Variants in PRDM16 observed in about 807,000 individuals in gnomAD.
PRDM16 encodes histone-lysine N-methyltransferase PRDM16.
In PRDM16, 23 loss-of-function variants were observed where a neutral mutation model predicts 110.6. The observed-to-expected ratio is 0.21, with a 90% confidence interval of 0.15 to 0.29. The LOEUF (loss-of-function observed/expected upper bound fraction) is 0.29. Ranked by LOEUF, PRDM16 falls within the 10% of genes least tolerant of loss-of-function variation. The probability of loss-of-function intolerance (pLI) is 1.00; values close to 1 mark genes in which losing one functional copy is unlikely to be tolerated. For synonymous variants in PRDM16, 799 were observed against 781.8 expected, an observed-to-expected ratio of 1.02 and a Z score of -0.37; for missense variants, 1,615 against 1,794.3, an observed-to-expected ratio of 0.90 and a Z score of 1.81.
chr1:3,170,238 C>T (rs78335238), intron 1 of PRDM16, among the ~76,000 whole-genome samples: 1,879 of 152,278 alleles, frequency 0.012, 68 homozygotes, highest in East Asian at 0.11. Flanking sequence ...CTGGCTGCTT[C>T]CCCCAGGAGT....
In PRDM16 at chr1:3,139,954, T is replaced by G. The variant is rs143548508; in HGVS notation, c.38-46171T>G. Among the ~76,000 whole-genome samples, 286 of 152,382 alleles carry G rather than the reference T, an allele frequency of 1.9e-3. 3 individuals carry two copies. The highest frequency in any genetic ancestry group is 6.5e-3 in the African/African-American group (271 of 41,602). ...GACCTTGAGCCCTGACAGCCCACTC[T>G]TAATCATGCCTGCCAGACAAACACG... On this transcript the variant is annotated intron_variant, in intron 1 of 16. Transcript: ENST00000270722.
intron 1 of PRDM16, among the ~76,000 whole-genome samples, chr1:3,091,530 C>T (rs1448514302): frequency 6.6e-6 from 1 of 152,220 alleles, no homozygotes; most frequent in East Asian, 1.9e-4. Flanking sequence ...CCACGCCTGC[C>T]CCGTGCCACA....
intron 1 of PRDM16, among the ~76,000 whole-genome samples, chr1:3,093,331 C>G (rs1211823109): frequency 2.0e-5 from 3 of 152,212 alleles, no homozygotes; most frequent in Admixed American, 6.5e-5. Context: ...TTTGGTAGCA[C>G]CGGGGCAGTC....
At position 3,396,676 on chromosome 1, in the gene PRDM16, G is replaced by A. The variant is rs556949633; in HGVS notation, c.676+83G>A. 7.6e-5 allele frequency: 48 copies of A among 635,380 alleles called. No homozygotes were observed. The East Asian group carries it at 9.5e-4, about 13-fold the overall frequency. The allele number at this position is 635,380 out of a possible 1,614,324, so 39.4% of individuals were successfully genotyped here. A position where few individuals can be genotyped will look rare whatever the true frequency, so the allele number is the denominator to read the frequency against. ...AGAGGAGCAGATGCCTGGGAGGACC[G>A]AGGGCCTCTCATCACCTCAAGCCAC... On this transcript the variant is annotated intron_variant, in intron 5 of 16. Transcript: ENST00000270722.
intron 3 of PRDM16, among the ~76,000 whole-genome samples, chr1:3,297,899 G>T (rs1641123924): frequency 6.6e-6 from 1 of 151,790 alleles, no homozygotes; most frequent in Admixed American, 6.6e-5. Flanking sequence ...AGCTCCGCAG[G>T]GGCCAGACTG....
At chr1:3,098,575 G>C (rs567547110) in intron 1 of PRDM16, among the ~76,000 whole-genome samples, 1 of 152,178 alleles carries the variant, frequency 6.6e-6, no homozygotes, top group Non-Finnish European at 1.5e-5. Flanking sequence ...CCTGGGCTTC[G>C]AGACCCCAGG....
At chr1:3,098,507 A>T (rs1222291566) in intron 1 of PRDM16, among the ~76,000 whole-genome samples, 1 of 152,170 alleles carries the variant, frequency 6.6e-6, no homozygotes, top group East Asian at 1.9e-4. Context: ...GGAGAGGGAC[A>T]TCCCTGCAGC....
chr1:3,418,872 G>A lies in PRDM16; in HGVS notation c.2939+128G>A, dbSNP rs550233807. The A allele has an allele frequency of 1.0e-4, 75 of 727,770 alleles. No homozygotes were observed. In the East Asian group the frequency reaches 1.6e-3, roughly 16 times the overall value. 45.1% of individuals were successfully genotyped at this position (727,770 alleles called of 1,614,324 possible). On this transcript the variant is annotated intron_variant, in intron 12 of 16. Transcript: ENST00000270722. Reference sequence around the variant, plus strand: ...GAGTGAGCAGGCAGTGGGCAGGGCCGGGTGCTGAATTCTGGTCACTCTGGC... The same window carrying A: ...GAGTGAGCAGGCAGTGGGCAGGGCCAGGTGCTGAATTCTGGTCACTCTGGC...
chr1:3,323,683 G>C (rs1016506527), intron 3 of PRDM16, among the ~76,000 whole-genome samples: 1 of 152,252 alleles, frequency 6.6e-6, no homozygotes, highest in Non-Finnish European at 1.5e-5. Context: ...TGCTGGGAGC[G>C]GCCGCACTTC....
rs181679302 is a variant in PRDM16, at chr1:3,238,424, A to T, written c.388-5663A>T. Reference sequence around the variant, plus strand: ...TCTCACTTGAAGGAACTGAGAAGTAACTGTTTAGGCATAAAAGCTAAAAGC... The same window carrying T: ...TCTCACTTGAAGGAACTGAGAAGTATCTGTTTAGGCATAAAAGCTAAAAGC... On this transcript the variant is annotated intron_variant, in intron 2 of 16. Coordinates refer to ENST00000270722, the MANE Select transcript of PRDM16 (RefSeq NM_022114.4). 6.4e-3 allele frequency among the ~76,000 whole-genome samples: 976 copies of T among 152,334 alleles called. 13 individuals carry two copies. The highest frequency in any genetic ancestry group is 0.022 in the African/African-American group (906 of 41,566).
chr1:3,185,453 TAAGTGCAGGGATGCCCAGGCTGCGGCCC>T (rs1557513623), intron 1 of PRDM16, among the ~76,000 whole-genome samples: 1 of 151,864 alleles, frequency 6.6e-6, no homozygotes, highest in East Asian at 1.9e-4. Flanking sequence ...GGCTGTGGCC[TAAGTGCAGGGATGCCCAGGCTGCGGCCC>T]AAGTGCAGGG....
At chr1:3,263,660 G>A (rs1640220829) in intron 3 of PRDM16, among the ~76,000 whole-genome samples, 2 of 152,258 alleles carry the variant, frequency 1.3e-5, no homozygotes, top group Admixed American at 6.5e-5. Flanking sequence ...ATGCTGCCCT[G>A]CAGATGCCAG....
chr1:3,394,460 G>C (rs555207790), intron 4 of PRDM16: 1 of 440,528 alleles, frequency 2.3e-6, no homozygotes, highest in Non-Finnish European at 4.5e-6. Context: ...TCTCACGTCA[G>C]GACCCTCGAC....
intron 1 of PRDM16, among the ~76,000 whole-genome samples, chr1:3,097,536 G>A (rs1048288515): frequency 4.0e-5 from 6 of 151,692 alleles, no homozygotes; most frequent in Admixed American, 2.0e-4. Context: ...AACATCACAC[G>A]GTGATGAACT....
rs1638576116 is a variant in PRDM16 at position 3,425,470 on chromosome 1, TGTGCACG to T, written c.2940-109_2940-103del. On this transcript the variant is annotated intron_variant, in intron 12 of 16. Coordinates refer to ENST00000270722, the MANE Select transcript of PRDM16 (RefSeq NM_022114.4). This position sits in a 1 kb window ranked among gnomAD's most constrained non-coding sequence, Gnocchi z 6.9. ...CCTCCGGGACACGGCGGGGCAAAGC[TGTGCACG>T]GGGCACGGGGCAGGGGCGCGGGCTC... is the stretch of plus-strand genomic sequence containing the variant. 2 of 1,191,298 alleles carry T rather than the reference TGTGCACG, an allele frequency of 1.7e-6. No individual in the cohort carries two copies. Among genetic ancestry groups the T allele is most frequent in the African/African-American group, 1.5e-5 (1 of 65,496 alleles). The allele number at this position is 1,191,298 out of a possible 1,614,324, so 73.8% of individuals were successfully genotyped here.
chr1:3,429,332 G>A (rs567946226), intron 14 of PRDM16, among the ~76,000 whole-genome samples: 3 of 152,216 alleles, frequency 2.0e-5, no homozygotes, highest in Non-Finnish European at 2.9e-5. Flanking sequence ...CGGATGCTCC[G>A]CTCCCCAACA....
intron 1 of PRDM16, among the ~76,000 whole-genome samples, chr1:3,171,864 C>T (rs1644028933): frequency 6.6e-6 from 1 of 152,122 alleles, no homozygotes; most frequent in South Asian, 2.1e-4. Flanking sequence ...TCTTGTCGCC[C>T]TGCTTGGATC....
intron 1 of PRDM16, among the ~76,000 whole-genome samples, chr1:3,093,562 A>C (rs1032383770): frequency 2.0e-5 from 3 of 151,802 alleles, no homozygotes; most frequent in Non-Finnish European, 4.4e-5. Flanking sequence ...CGGCATCTCC[A>C]CTGTGTGTCT....
Position 3,074,132 on chromosome 1 carries a change from C to T in PRDM16, c.37+4836C>T, listed in dbSNP as rs148041140. On this transcript the variant is annotated intron_variant, in intron 1 of 16. Coordinates refer to ENST00000270722, the MANE Select transcript of PRDM16 (RefSeq NM_022114.4). ...TCTGATCCGCAGCCCCGGCCCCTGC[C>T]GGCAACCTCGGGAGACGGGCCGGGC... Among the ~76,000 whole-genome samples, 1,237 of 152,316 alleles carry T rather than the reference C, an allele frequency of 8.1e-3. 17 individuals carry two copies. Among genetic ancestry groups the T allele is most frequent in the African/African-American group, 0.028 (1,154 of 41,576 alleles).
Sources: gnomAD v4.1 joint callset for allele counts (sites outside exome capture counted in the v4.1 genomes callset) on GRCh38, gnomAD v4.1.1 for gene constraint, Gnocchi (gnomAD v3.1) non-coding constraint, MANE v1.5 for transcripts, NCBI Gene and HGNC (gene_info 2026-07-23, HGNC 2026-07-21) for gene names.